RUBCNL: variants seen among roughly 807,000 people sequenced by gnomAD.
The protein encoded by RUBCNL is protein associated with UVRAG as autophagy enhancer.
RUBCNL carries 62 observed loss-of-function variants against 69.5 expected under a neutral mutation model. The observed-to-expected ratio is 0.89, with a 90% confidence interval of 0.73 to 1.10. The LOEUF (loss-of-function observed/expected upper bound fraction) is 1.10, where lower values mean the gene tolerates loss of function less well. RUBCNL is among the 50% of genes least tolerant of loss of function. The probability of loss-of-function intolerance (pLI) is 0.00; values close to 1 mark genes in which losing one functional copy is unlikely to be tolerated. For synonymous variants in RUBCNL, 291 were observed against 303.6 expected, an observed-to-expected ratio of 0.96 and a Z score of 0.43; for missense variants, 768 against 798.1, an observed-to-expected ratio of 0.96 and a Z score of 0.45.
chr13:46,353,750 T>G (rs571977657), intron 10 of RUBCNL, among the ~76,000 whole-genome samples: 6 of 152,352 alleles, frequency 3.9e-5, no homozygotes, highest in Admixed American at 3.3e-4. Context: ...AAGAGAAATA[T>G]TCTAGAACAG....
intron 9 of RUBCNL, among the ~76,000 whole-genome samples, chr13:46,358,721 A>G (rs1369846434): frequency 6.6e-6 from 1 of 151,760 alleles, no homozygotes; most frequent in African/African-American, 2.4e-5. Context: ...CACCTAGTTT[A>G]TTTTTGTATT....
intron 1 of RUBCNL, 132 bp downstream of exon 1, chr13:46,387,000 GTC>G (rs2049263199): frequency 2.6e-6 from 2 of 770,892 alleles, no homozygotes; most frequent in Non-Finnish European, 1.6e-6. Flanking sequence ...ATACCTGGGT[GTC>G]TCTGCTGGGC....
rs568482926 is a variant in RUBCNL at position 46,378,900 on chromosome 13, G to A, written c.-238-895C>T. ...ACACAACTGGGGGCATCAGAGTAAA[G>A]ACACACCTTAAATCTTACCTTGTCA... On this transcript the variant is annotated intron_variant, in intron 1 of 14. Transcript: ENST00000429979. 8.5e-5 allele frequency among the ~76,000 whole-genome samples: 13 copies of A among 152,250 alleles called. No individual in the cohort carries two copies. In the South Asian group the frequency reaches 2.7e-3, roughly 32 times the overall value.
At chr13:46,351,339 C>T (rs1329742938) in intron 10 of RUBCNL, among the ~76,000 whole-genome samples, 1 of 152,132 alleles carries the variant, frequency 6.6e-6, no homozygotes, top group Admixed American at 6.6e-5. Context: ...TTTGACTCAG[C>T]CTGTCATAAA....
rs2048118529 is a variant in RUBCNL, at chr13:46,338,475, G to C, written c.*4910C>G. ...GGGAAAGACCTGAGCAGCCCTAAAA[G>C]TGGGGTTGAGACCACAGGGCAGGGG... On this transcript the variant is annotated 3_prime_UTR_variant, in exon 15 of 15. Transcript: ENST00000429979. Among the ~76,000 whole-genome samples, 1 of 152,086 alleles carries C rather than the reference G, an allele frequency of 6.6e-6. No homozygotes were observed. The highest frequency in any genetic ancestry group is 1.5e-5 in the Non-Finnish European group (1 of 68,020).
In RUBCNL at chr13:46,372,712, C is replaced by T. The variant is rs947636588; in HGVS notation, c.-122-115G>A. The T allele has an allele frequency of 1.4e-5, 12 of 882,612 alleles. No individual in the cohort carries two copies. In the African/African-American group the frequency reaches 2.0e-4, roughly 15 times the overall value. The allele number at this position is 882,612 out of a possible 1,614,324, so 54.7% of individuals were successfully genotyped here. A position where few individuals can be genotyped will look rare whatever the true frequency, so the allele number is the denominator to read the frequency against. The stretch of plus-strand genomic sequence containing the variant: ...TTAGAAGTCTGTACTTGGCTCTATC[C>T]AACATAGTAAAGCCCGCTTGGATTT... On this transcript the variant is annotated intron_variant, in intron 2 of 14. Transcript: ENST00000429979.
intron 13 of RUBCNL, 35 bp downstream of exon 13, chr13:46,345,412 C>T (rs771847899): frequency 1.1e-5 from 17 of 1,548,072 alleles, no homozygotes; most frequent in Admixed American, 5.9e-5. Flanking sequence ...GGCCCTGGTG[C>T]ATCGGGAACG....
At chr13:46,354,710 C>A (rs4942515) in intron 10 of RUBCNL, 6 of 447,650 alleles carry the variant, frequency 1.3e-5, no homozygotes, top group South Asian at 4.7e-5. Flanking sequence ...GTAAATCCCA[C>A]GGCACTCTTG....
intron 4 of RUBCNL, 139 bp downstream of exon 4, chr13:46,368,594 G>T: frequency 7.7e-7 from 1 of 1,299,540 alleles, no homozygotes; most frequent in Non-Finnish European, 1.0e-6. Context: ...TAGTGTTTCT[G>T]GCAGTCTCCA....
At chr13:46,372,799 T>C (rs1048146997) in intron 2 of RUBCNL, among the ~76,000 whole-genome samples, 1 of 152,090 alleles carries the variant, frequency 6.6e-6, no homozygotes, top group African/African-American at 2.4e-5. Context: ...AGGCTTGACA[T>C]TGGGAGAGGA....
At position 46,335,275 on chromosome 13, in the gene RUBCNL, T is replaced by G. The variant is rs539098524; in HGVS notation, c.*8110A>C. Among the ~76,000 whole-genome samples, 109 of 143,596 alleles carry G rather than the reference T, an allele frequency of 7.6e-4. No homozygotes were observed. Among genetic ancestry groups the G allele is most frequent in the African/African-American group, 2.6e-3 (100 of 38,754 alleles). The allele number at this position is 143,596 out of a possible 152,430, so 94.2% of individuals were successfully genotyped here. ...TGTTGTTGTTGTTTTTTTTTTTTTT[T>G]TTTTTTTTTTAAGAGACAGGGTCTC... On this transcript the variant is annotated 3_prime_UTR_variant, in exon 15 of 15. Transcript: ENST00000429979.
intron 9 of RUBCNL, among the ~76,000 whole-genome samples, chr13:46,356,892 CT>C (rs767789330): frequency 1.3e-3 from 180 of 135,036 alleles, no homozygotes; most frequent in Admixed American, 1.8e-3. Context: ...GCTTTATTTA[CT>C]TTTTTTTTTT....
At position 46,344,761 on chromosome 13, in the gene RUBCNL, GCTGTCTGA is replaced by G; in HGVS notation, c.1848_1855del (p.Gln617AsnfsTer3). The G allele has an allele frequency of 6.2e-7, 1 of 1,609,032 alleles. No individual in the cohort carries two copies. The highest frequency in any genetic ancestry group is 8.5e-7 in the Non-Finnish European group (1 of 1,176,770). On this transcript the variant is annotated frameshift_variant, in exon 14 of 15. Transcript: ENST00000429979. LOFTEE classifies it low-confidence loss of function (END_TRUNC). ...AATACCTGAACATCTTCTACATGTT[GCTGTCTGA>G]AATGGGAAGATGACAGTCGTATTCT...
intron 3 of RUBCNL, among the ~76,000 whole-genome samples, chr13:46,371,394 T>C (rs1396244772): frequency 6.6e-6 from 1 of 152,248 alleles, no homozygotes; most frequent in Non-Finnish European, 1.5e-5. Context: ...TTTTAGGGTC[T>C]TAGGAATATG....
intron 10 of RUBCNL, among the ~76,000 whole-genome samples, chr13:46,353,541 C>T (rs966491788): frequency 1.3e-5 from 2 of 152,222 alleles, no homozygotes; most frequent in African/African-American, 4.8e-5. Context: ...GATTTTGCCT[C>T]CCAAGGGGCA....
At chr13:46,356,735 GCT>G (rs1210494518) in intron 9 of RUBCNL, among the ~76,000 whole-genome samples, 1 of 151,546 alleles carries the variant, frequency 6.6e-6, no homozygotes, top group African/African-American at 2.4e-5. Flanking sequence ...ACAGGGTCTT[GCT>G]CTGTCACGCA....
At chr13:46,374,852 T>A (rs2048954962) in intron 2 of RUBCNL, among the ~76,000 whole-genome samples, 1 of 152,208 alleles carries the variant, frequency 6.6e-6, no homozygotes, top group Non-Finnish European at 1.5e-5. Context: ...CTAGGAATGC[T>A]GTTTTATGTT....
At position 46,387,250 on chromosome 13, in the gene RUBCNL, G is replaced by A. The variant is rs574014051; in HGVS notation, c.-355C>T. The A allele has an allele frequency of 2.0e-6, 2 of 985,426 alleles. No individual in the cohort carries two copies. The highest frequency in any genetic ancestry group is 2.4e-6 in the Non-Finnish European group (2 of 829,980). 61.0% of individuals were successfully genotyped at this position (985,426 alleles called of 1,614,324 possible). The stretch of plus-strand genomic sequence containing the variant: ...CCGCGCTCCCGGTAACAGCAGAAAG[G>A]GGAGGGAGGAGAGCTACCGAGGAGG... On this transcript the variant is annotated 5_prime_UTR_variant, in exon 1 of 15. Transcript: ENST00000429979.
Position 46,368,467 on chromosome 13 carries a change from T to C in RUBCNL, c.619-218A>G, listed in dbSNP as rs193131159. ...ACTATAATCAACGGACAACTCAAAT[T>C]GGATTTCTTGTTATACAAAACCTTA... On this transcript the variant is annotated intron_variant, in intron 4 of 14. Coordinates refer to ENST00000429979, the MANE Select transcript of RUBCNL (RefSeq NM_025113.5). The C allele has an allele frequency of 5.1e-6, 5 of 985,372 alleles. No individual in the cohort carries two copies. In the African/African-American group the frequency reaches 7.0e-5, roughly 14 times the overall value. The allele number at this position is 985,372 out of a possible 1,614,324, so 61.0% of individuals were successfully genotyped here.
Sources: allele counts gnomAD v4.1 joint callset (sites outside exome capture counted in the v4.1 genomes callset), GRCh38; gene constraint gnomAD v4.1.1; transcripts MANE v1.5; gene names NCBI Gene and HGNC (gene_info 2026-07-23, HGNC 2026-07-21).